Variants in NPHP1 observed in about 807,000 individuals in gnomAD.
NPHP1 encodes the protein nephrocystin 1, also known as nephrocystin-1.
A neutral mutation model predicts 90.4 loss-of-function variants in NPHP1; 70 were observed. That is an observed-to-expected ratio of 0.77 (90% CI 0.64 to 0.95). The LOEUF (loss-of-function observed/expected upper bound fraction) is 0.95. Ranked by LOEUF, NPHP1 falls within the 40% of genes least tolerant of loss-of-function variation. The pLI, the probability that NPHP1 is intolerant of heterozygous loss-of-function variation, is 0.00. For missense variants in NPHP1, 764 were observed against 795.9 expected, an observed-to-expected ratio of 0.96 and a Z score of 0.48; for synonymous variants, 256 against 271.7, an observed-to-expected ratio of 0.94 and a Z score of 0.57.
chr2:110,144,683 T>C (rs1350295128), intron 14 of NPHP1, 114 bp from the exon 15 acceptor site: 4 of 717,104 alleles, frequency 5.6e-6, no homozygotes, highest in Non-Finnish European at 5.1e-6. Context: ...CATTTATGCC[T>C]CGTTGGTAAA....
In NPHP1 at chr2:110,201,463, T is replaced by C; in HGVS notation, c.101A>G (p.Lys34Arg). The change falls in exon 2 of 20, where the codon AAA (lysine) becomes AGA (arginine). Residue 34 changes from lysine (K) to arginine (R), a missense_variant. By Grantham distance (26) the Lys-to-Arg change is conservative. Transcript: ENST00000445609. ...TCTTTTATTGGGTTCTAGAGCTTCT[T>C]TCAGTTGGCTCTCAGAAAGCAAACT... is the stretch of plus-strand genomic sequence containing the variant. ...VDSLLSESQLKEALEPNKRQH... is the reference protein window; with the variant it reads ...VDSLLSESQLREALEPNKRQH... 1 of 1,610,882 alleles carries C rather than the reference T, an allele frequency of 6.2e-7. No homozygotes were observed. Among genetic ancestry groups the C allele is most frequent in the Non-Finnish European group, 8.5e-7 (1 of 1,178,078 alleles).
At chr2:110,126,218 A>T (rs1679355318) in intron 18 of NPHP1, 1 of 163,410 alleles carries the variant, frequency 6.1e-6, no homozygotes, top group Non-Finnish European at 1.3e-5. Flanking sequence ...CAGAAGTATG[A>T]ATTTAAGACT....
Position 110,123,982 on chromosome 2 carries a change from G to T in NPHP1, c.1843C>A (p.Pro615Thr). Residue 615 changes from proline to threonine, a missense_variant, in exon 20 of 20, where the codon CCC becomes ACC. By Grantham distance (38) the Pro-to-Thr change is conservative (BLOSUM62 -1). Coordinates refer to ENST00000445609, the MANE Select transcript of NPHP1 (RefSeq NM_001128178.3). ...VLPLLHSTRL[P>T]PFRWAEEETE... is the part of the protein sequence containing the mutation. The stretch of plus-strand genomic sequence containing the variant: ...TCTTCTTCTGCCCACCTGAATGGGG[G>T]TAGGCGTGTGGAGTGGAGAAGTGGG... The T allele has an allele frequency of 6.2e-7, 1 of 1,614,094 alleles. No homozygotes were observed. The highest frequency in any genetic ancestry group is 8.5e-7 in the Non-Finnish European group (1 of 1,179,930).
At chr2:110,145,066 G>A (rs1370940103) in intron 14 of NPHP1, among the ~76,000 whole-genome samples, 2 of 152,124 alleles carry the variant, frequency 1.3e-5, no homozygotes, top group East Asian at 3.8e-4. Flanking sequence ...CTTCTCTAGT[G>A]TGGTTAATCT....
intron 5 of NPHP1, among the ~76,000 whole-genome samples, chr2:110,169,287 T>A (rs998356426): frequency 2.0e-5 from 3 of 152,126 alleles, no homozygotes; most frequent in African/African-American, 7.2e-5. Context: ...GAACTAAAAT[T>A]CATATATTCA....
chr2:110,157,644 C>T (rs1682007525), intron 11 of NPHP1, among the ~76,000 whole-genome samples: 2 of 152,086 alleles, frequency 1.3e-5, no homozygotes. Flanking sequence ...CCCCACTCCT[C>T]CTCTCTCCTC....
chr2:110,165,077 C>T lies in NPHP1; in HGVS notation c.703G>A (p.Ala235Thr). ...CTTTGCTTAACTTCTGCTCCATCTG[C>T]TGTTTCATCCACCGCCTCTACATCT... is the stretch of plus-strand genomic sequence containing the variant. Reference protein sequence around the residue: ...EEDVEAVDETADGAEVKQRTD... With the variant: ...EEDVEAVDETTDGAEVKQRTD... Residue 235 changes from alanine to threonine, a missense_variant, in exon 7 of 20, where the codon GCA (alanine) becomes ACA (threonine). Physicochemically the swap from Ala to Thr is moderately conservative, Grantham distance 58. Transcript: ENST00000445609. The T allele has an allele frequency of 3.1e-6, 5 of 1,613,496 alleles. No individual in the cohort carries two copies. Among genetic ancestry groups the T allele is most frequent in the Non-Finnish European group, 4.2e-6 (5 of 1,179,544 alleles).
In NPHP1 at chr2:110,164,552, G is replaced by T. The variant is rs142670785; in HGVS notation, c.771+136C>A. 58 of 1,576,110 alleles carry T rather than the reference G, an allele frequency of 3.7e-5. 1 individual carries two copies. The highest frequency in any genetic ancestry group is 1.7e-4 in the Middle Eastern group (1 of 6,008). On this transcript the variant is annotated intron_variant, in intron 8 of 19. Transcript: ENST00000445609. ...ACAGGCTTAGAAACCAGAAATATAC[G>T]TCCTCTGCTCTGTACATTCCATGCC...
intron 16 of NPHP1, among the ~76,000 whole-genome samples, chr2:110,141,978 A>G (rs1480442033): frequency 6.6e-6 from 1 of 150,796 alleles, no homozygotes; most frequent in Non-Finnish European, 1.5e-5. Context: ...GTCTCAAAAA[A>G]AAAAAAAAAA....
intron 2 of NPHP1, among the ~76,000 whole-genome samples, chr2:110,180,743 C>A (rs189872118): frequency 6.6e-6 from 1 of 152,120 alleles, no homozygotes; most frequent in African/African-American, 2.4e-5. Context: ...GAACCCCCAT[C>A]CCCAACCAAG....
chr2:110,127,603 G>T (rs1679458568), intron 18 of NPHP1: 1 of 151,848 alleles, frequency 6.6e-6, no homozygotes, highest in Non-Finnish European at 1.5e-5. Flanking sequence ...GGGTCTTTTT[G>T]CTAAATAACA....
intron 2 of NPHP1, among the ~76,000 whole-genome samples, chr2:110,192,753 G>A (rs968797823): frequency 3.9e-5 from 6 of 152,180 alleles, no homozygotes; most frequent in African/African-American, 1.4e-4. Context: ...AGGGCAGCCA[G>A]AGAGAAAGCT....
intron 2 of NPHP1, chr2:110,185,109 T>C: frequency 1.7e-6 from 1 of 586,634 alleles, no homozygotes; most frequent in Non-Finnish European, 3.4e-6. Context: ...ATGACACCTT[T>C]AAGAAGATGT....
At chr2:110,152,554 T>C (rs1681556794) in intron 11 of NPHP1, among the ~76,000 whole-genome samples, 1 of 141,158 alleles carries the variant, frequency 7.1e-6, no homozygotes, top group Admixed American at 7.5e-5. Context: ...CACCCCATGA[T>C]AGAGAAATAG....
rs574175676 is a variant in NPHP1 at position 110,138,069 on chromosome 2, G to A, written c.1529+5473C>T. 6.6e-5 allele frequency among the ~76,000 whole-genome samples: 10 copies of A among 150,832 alleles called. No homozygotes were observed. The South Asian group carries it at 8.4e-4, about 13-fold the overall frequency. On this transcript the variant is annotated intron_variant, in intron 16 of 19. Coordinates refer to ENST00000445609, the MANE Select transcript of NPHP1 (RefSeq NM_001128178.3). ...AAACCATCATTCTCAGCAAACTATC[G>A]CAAGACAAAAAACCAAACACCGCAT... is the stretch of plus-strand genomic sequence containing the variant.
chr2:110,165,878 T>C (rs975649979), intron 6 of NPHP1, among the ~76,000 whole-genome samples: 2 of 152,150 alleles, frequency 1.3e-5, no homozygotes, highest in African/African-American at 2.4e-5. Context: ...ACTTGATTAT[T>C]ACACAATCCA....
At position 110,127,456 on chromosome 2, in the gene NPHP1, A is replaced by G. The variant is rs1679449049; in HGVS notation, c.1716+1730T>C. ...CATAACACAAATAATTCAATGTGAA[A>G]AAATTAAGAAAATGTAGATAAAATA... On this transcript the variant is annotated intron_variant, in intron 18 of 19. Transcript: ENST00000445609. 6 of 152,192 alleles carry G rather than the reference A, an allele frequency of 3.9e-5. No individual in the cohort carries two copies. In the South Asian group the frequency reaches 1.0e-3, roughly 26 times the overall value. The allele number at this position is 152,192 out of a possible 1,614,324, so 9.4% of individuals were successfully genotyped here.
intron 11 of NPHP1, among the ~76,000 whole-genome samples, chr2:110,155,329 C>T (rs1681808291): frequency 6.6e-6 from 1 of 152,108 alleles, no homozygotes; most frequent in Non-Finnish European, 1.5e-5. Flanking sequence ...AGAATCTCTG[C>T]TAGGGAAGTG....
At chr2:110,180,448 C>CTTTTTTTTTTTT (rs3086121) in intron 2 of NPHP1, among the ~76,000 whole-genome samples, 24 of 80,912 alleles carry the variant, frequency 3.0e-4, no homozygotes, top group East Asian at 1.3e-3. Flanking sequence ...CCGTTTGAGT[C>CTTTTTTTTTTTT]TTTTTTTTTT....
Sources: allele counts gnomAD v4.1 joint callset (sites outside exome capture counted in the v4.1 genomes callset), GRCh38; gene constraint gnomAD v4.1.1; transcripts MANE v1.5; gene names NCBI Gene and HGNC (gene_info 2026-07-23, HGNC 2026-07-21).